Variants in PCM1 observed in about 807,000 individuals in gnomAD.
The protein encoded by PCM1 is pericentriolar material 1 protein.
PCM1 carries 157 observed loss-of-function variants against 241.9 expected under a neutral mutation model. That is an observed-to-expected ratio of 0.65 (90% CI 0.57 to 0.74). PCM1 has a LOEUF of 0.74. Among genes scored for constraint, PCM1 ranks in the 30% least tolerant of loss-of-function variants. The pLI, the probability that PCM1 is intolerant of heterozygous loss-of-function variation, is 0.00. For synonymous variants in PCM1, 1,085 were observed against 784.9 expected (o/e 1.38, Z -6.39); for missense variants, 3,478 against 2,360.1 (o/e 1.47, Z -9.81).
rs1463485209 is a variant in PCM1, at chr8:18,025,588, T to C, written c.5979T>C (p.His1993=). 6.3e-7 allele frequency: 1 copy of C among 1,585,546 alleles called. No individual in the cohort carries two copies. Among genetic ancestry groups the C allele is most frequent in the Non-Finnish European group, 8.6e-7 (1 of 1,165,710 alleles). Residue 1993 remains histidine, a synonymous_variant, in exon 38 of 39, where the codon CAT becomes CAC. Coordinates refer to ENST00000325083, the MANE Select transcript of PCM1 (RefSeq NM_006197.4). ...TGGTAGAAGAAGAACAGAAAAACCATTTATCTGGTGAAATATGTGAAATGC... is the reference window on the plus strand; with the variant it reads ...TGGTAGAAGAAGAACAGAAAAACCACTTATCTGGTGAAATATGTGAAATGC... ...KKMVEEEQKN[H]LSGEICEMQT...
chr8:17,969,914 T>A (rs570634300), intron 22 of PCM1, among the ~76,000 whole-genome samples, 166 bp downstream of exon 22: 2 of 152,312 alleles, frequency 1.3e-5, no homozygotes, highest in East Asian at 3.9e-4. Flanking sequence ...TGCCAGATAC[T>A]TCCTGGTAAC....
At chr8:17,997,327 C>T (rs764175549) in intron 29 of PCM1, among the ~76,000 whole-genome samples, 3 of 152,148 alleles carry the variant, frequency 2.0e-5, no homozygotes, top group African/African-American at 4.8e-5. Flanking sequence ...CTTTCTTTAT[C>T]CTTGATGTTT....
rs754129177 is a variant in PCM1, at chr8:17,967,000, A to G, written c.3242A>G (p.Glu1081Gly). 1 of 1,606,620 alleles carries G rather than the reference A, an allele frequency of 6.2e-7. No individual in the cohort carries two copies. Among genetic ancestry groups the G allele is most frequent in the Admixed American group, 1.7e-5 (1 of 58,984 alleles). ...TGTAGGTTGAAACAAATGCTAAATGAACTTATGCGCCAGCAAAATCAGCAT... is the reference window on the plus strand; with the variant it reads ...TGTAGGTTGAAACAAATGCTAAATGGACTTATGCGCCAGCAAAATCAGCAT... Reference protein sequence around the residue: ...NVQRLKQMLNELMRQQNQHPE... With the variant: ...NVQRLKQMLNGLMRQQNQHPE... The change falls in exon 21 of 39, where the codon GAA (glutamate) becomes GGA (glycine). Residue 1081 changes from glutamate (E) to glycine (G), a missense_variant. Physicochemically the swap from Glu to Gly is moderately conservative, Grantham distance 98. Coordinates refer to ENST00000325083, the MANE Select transcript of PCM1 (RefSeq NM_006197.4).
intron 17 of PCM1, among the ~76,000 whole-genome samples, chr8:17,963,941 A>G (rs1156690139): frequency 1.3e-5 from 2 of 152,256 alleles, no homozygotes; most frequent in East Asian, 3.9e-4. Flanking sequence ...TGGGGTCCCA[A>G]TATGCATTTT....
chr8:17,933,879 T>C (rs972740414), intron 2 of PCM1, among the ~76,000 whole-genome samples: 4 of 152,132 alleles, frequency 2.6e-5, no homozygotes, highest in Non-Finnish European at 5.9e-5. Context: ...GTCCTTCATG[T>C]CTTATTTTAA....
intron 24 of PCM1, among the ~76,000 whole-genome samples, chr8:17,981,883 C>G (rs2080955932): frequency 7.1e-6 from 1 of 140,222 alleles, no homozygotes; most frequent in Admixed American, 7.1e-5. Context: ...TTGTAGTAAT[C>G]CATCCTAAGA....
At chr8:18,018,022 T>C (rs1158983815) in intron 36 of PCM1, among the ~76,000 whole-genome samples, 1 of 152,190 alleles carries the variant, frequency 6.6e-6, no homozygotes, top group African/African-American at 2.4e-5. Flanking sequence ...GGATACCTTA[T>C]CCACTTTCAA....
intron 7 of PCM1, among the ~76,000 whole-genome samples, chr8:17,949,641 G>C (rs1348765358): frequency 6.6e-6 from 1 of 152,016 alleles, no homozygotes; most frequent in East Asian, 1.9e-4. Context: ...AGGAATACAG[G>C]CGTGCTGTAC....
At chr8:18,020,991 A>G (rs1182815386) in intron 36 of PCM1, among the ~76,000 whole-genome samples, 1 of 152,192 alleles carries the variant, frequency 6.6e-6, no homozygotes, top group Non-Finnish European at 1.5e-5. Flanking sequence ...AGTATCAAGG[A>G]AATGCATGTG....
chr8:17,939,192 A>C (rs1321740325), intron 5 of PCM1, among the ~76,000 whole-genome samples, 183 bp downstream of exon 5: 1 of 152,204 alleles, frequency 6.6e-6, no homozygotes, highest in African/African-American at 2.4e-5. Context: ...TTATCCAAAA[A>C]TATTTTAGAA....
intron 29 of PCM1, among the ~76,000 whole-genome samples, chr8:18,003,034 A>G (rs2090134045): frequency 6.6e-6 from 1 of 152,100 alleles, no homozygotes; most frequent in Non-Finnish European, 1.5e-5. Context: ...CTTGAACTCA[A>G]CTGTTTGGTC....
Position 17,967,169 on chromosome 8 carries a change from A to C in PCM1, c.3411A>C (p.Pro1137=). The C allele has an allele frequency of 6.3e-7, 1 of 1,579,980 alleles. No individual in the cohort carries two copies. The highest frequency in any genetic ancestry group is 1.2e-5 in the South Asian group (1 of 86,384). The change falls in exon 21 of 39, where the codon CCA becomes CCC. Residue 1137 remains proline, a splice_region_variant and synonymous_variant. Transcript: ENST00000325083. ...TTACTAACTTTTCATCATTTGCACC[A>C]GGTAGGTGACTTAACCTAAAGAGAA... The part of the protein sequence containing the change: ...PGFTNFSSFA[P]GMNFSPLFPS...
chr8:17,946,989 T>C (rs2064061239), intron 6 of PCM1, among the ~76,000 whole-genome samples, 197 bp from the exon 7 acceptor site: 1 of 152,138 alleles, frequency 6.6e-6, no homozygotes, highest in African/African-American at 2.4e-5. Flanking sequence ...TGAAATTACC[T>C]CTTAAGTGGC....
In PCM1 at chr8:17,961,994, C is replaced by T. The variant is rs776372734; in HGVS notation, c.2323-40C>T. Reference sequence around the variant, plus strand: ...TGCTTTTATGAAATTAATATAATTGCTTTAATTCCTCATAACGTTTTTTGT... The same window carrying T: ...TGCTTTTATGAAATTAATATAATTGTTTTAATTCCTCATAACGTTTTTTGT... On this transcript the variant is annotated intron_variant, in intron 15 of 38. Transcript: ENST00000325083. 7 of 1,564,518 alleles carry T rather than the reference C, an allele frequency of 4.5e-6. No homozygotes were observed. In the African/African-American group the frequency reaches 6.8e-5, roughly 15 times the overall value.
At chr8:18,027,244 G>GC (rs1350678087) in intron 38 of PCM1, among the ~76,000 whole-genome samples, 1 of 150,240 alleles carries the variant, frequency 6.7e-6, no homozygotes, top group African/African-American at 2.4e-5. Context: ...GCAGCCTCTT[G>GC]CAAGTGTTTG....
At chr8:17,978,736 CAG>C (rs1427487183) in intron 23 of PCM1, among the ~76,000 whole-genome samples, 2 of 150,892 alleles carry the variant, frequency 1.3e-5, no homozygotes, top group African/African-American at 2.5e-5. Context: ...ATAAAGAAGA[CAG>C]AGAACAGTTT....
intron 24 of PCM1, among the ~76,000 whole-genome samples, chr8:17,981,203 T>A (rs2080654850): frequency 6.6e-6 from 1 of 152,240 alleles, no homozygotes. Context: ...AACTTTTTTC[T>A]TTCTGTGGCA....
Position 17,953,002 on chromosome 8 carries a change from A to G in PCM1, c.1104A>G (p.Ala368=), listed in dbSNP as rs548485835. 1.2e-6 allele frequency: 2 copies of G among 1,605,244 alleles called. No individual in the cohort carries two copies. The highest frequency in any genetic ancestry group is 1.3e-5 in the African/African-American group (1 of 74,828). The part of the protein sequence containing the change: ...PPAVPDNRRQ[A]ESLSLTREVS... ...CTGTTCCAGACAATAGAAGACAGGC[A>G]GAAAGTCTTTCATTAACTAGGGAGG... The change falls in exon 9 of 39, where the codon GCA becomes GCG. Residue 368 remains alanine (A), a synonymous_variant. Transcript: ENST00000325083.
At chr8:18,027,271 A>G (rs992187141) in intron 38 of PCM1, among the ~76,000 whole-genome samples, 4 of 110,282 alleles carry the variant, frequency 3.6e-5, no homozygotes, top group African/African-American at 8.2e-5. Context: ...AGCTTCCTCC[A>G]CTGTCATTGG....
Sources: gnomAD v4.1 joint callset for allele counts (sites outside exome capture counted in the v4.1 genomes callset) on GRCh38, gnomAD v4.1.1 for gene constraint, MANE v1.5 for transcripts, NCBI Gene and HGNC (gene_info 2026-07-23, HGNC 2026-07-21) for gene names.